RAC2: variants seen among roughly 807,000 people sequenced by gnomAD.
RAC2 encodes Rac family small GTPase 2.
RAC2 carries 1 observed loss-of-function variant against 24.0 expected under a neutral mutation model. That is an observed-to-expected ratio of 0.04 (90% confidence interval 0.01 to 0.20). The LOEUF is 0.20. Among genes scored for constraint, RAC2 ranks in the 10% least tolerant of loss-of-function variants. RAC2 has a pLI of 1.00. For synonymous variants in RAC2, 114 were observed against 106.8 expected (o/e 1.07, Z -0.41); for missense variants, 130 against 259.1 (o/e 0.50, Z 3.42).
In RAC2 at chr22:37,241,654, C is replaced by A; in HGVS notation, c.40G>T (p.Val14Leu). The change falls in exon 2 of 7, where the codon GTG becomes TTG. Residue 14 changes from valine to leucine, a missense_variant. Transcript: ENST00000249071. Reference protein sequence around the residue: ...IKCVVVGDGAVGKTCLLISYT... With the variant: ...IKCVVVGDGALGKTCLLISYT... The stretch of plus-strand genomic sequence containing the variant: ...CTGATGAGAAGGCAGGTCTTGCCCA[C>A]GGCCCTGAAAGACAGGAAGTGCAAG... 6.2e-7 allele frequency: 1 copy of A among 1,613,932 alleles called. No individual in the cohort carries two copies.
At chr22:37,236,504 C>T (rs1386162551) in intron 2 of RAC2, among the ~76,000 whole-genome samples, 1 of 152,222 alleles carries the variant, frequency 6.6e-6, no homozygotes, top group East Asian at 1.9e-4. Context: ...AAGGCTAGAT[C>T]CTGTTACCCA....
At position 37,231,903 on chromosome 22, in the gene RAC2, GC is replaced by G; in HGVS notation, c.288+28del. On this transcript the variant is annotated intron_variant, in intron 4 of 6. Transcript: ENST00000249071. The surrounding 1 kb of genome is among the most constrained non-coding windows in gnomAD (Gnocchi z 5.5). Reference sequence around the variant, plus strand: ...GTCCCTCAGGGTTACCTGCCCCAGAGCCCCCAAGGCCCACCCTGTCCAGCTC... The same window carrying G: ...GTCCCTCAGGGTTACCTGCCCCAGAGCCCCAAGGCCCACCCTGTCCAGCTC... The G allele has an allele frequency of 1.3e-6, 2 of 1,550,688 alleles. No individual in the cohort carries two copies. The highest frequency in any genetic ancestry group is 2.4e-5 in the South Asian group (2 of 84,042).
rs1047196313 is a variant in RAC2, at chr22:37,226,585, A to G, written c.*2+86T>C. The G allele has an allele frequency of 2.6e-6, 4 of 1,551,546 alleles. No homozygotes were observed. In the African/African-American group the frequency reaches 5.5e-5, roughly 21 times the overall value. The stretch of plus-strand genomic sequence containing the variant: ...CCCACCTTCTTTCTGTCCTGGCCTA[A>G]ATGCCACTCACAGTGAACCAAAGGC... On this transcript the variant is annotated intron_variant, in intron 6 of 6. Coordinates refer to ENST00000249071, the MANE Select transcript of RAC2 (RefSeq NM_002872.5).
At chr22:37,240,868 G>T in intron 2 of RAC2, 1 of 617,140 alleles carries the variant, frequency 1.6e-6, no homozygotes, top group East Asian at 2.8e-5. Flanking sequence ...CCCTGGGGTA[G>T]AAATGTGCAG....
chr22:37,230,975 T>C (rs1927041172), intron 5 of RAC2, among the ~76,000 whole-genome samples: 1 of 152,174 alleles, frequency 6.6e-6, no homozygotes, highest in African/African-American at 2.4e-5. Context: ...CCCTGGCAGC[T>C]CCACCTGGAA....
At position 37,232,804 on chromosome 22, in the gene RAC2, C is replaced by G; in HGVS notation, c.222G>C (p.Gln74His). ...YDRLRPLSYP[Q>H]TDVFLICFSL... is the part of the protein sequence containing the mutation. ...AAGGCAGGTGGGAGCAGCACACCGTCTGTGGATAGGAGAGCGGCCGGAGAC... is the reference window on the plus strand; with the variant it reads ...AAGGCAGGTGGGAGCAGCACACCGTGTGTGGATAGGAGAGCGGCCGGAGAC... Residue 74 changes from glutamine to histidine, a missense_variant, in exon 3 of 7, where the codon CAG becomes CAC. Physicochemically the swap from Gln to His is conservative, Grantham distance 24 (BLOSUM62 0). Coordinates refer to ENST00000249071, the MANE Select transcript of RAC2 (RefSeq NM_002872.5). The G allele has an allele frequency of 6.2e-7, 1 of 1,612,118 alleles. No individual in the cohort carries two copies.
intron 1 of RAC2, among the ~76,000 whole-genome samples, chr22:37,243,196 C>T (rs762343238): frequency 3.3e-5 from 5 of 152,128 alleles, no homozygotes; most frequent in African/African-American, 9.7e-5. Flanking sequence ...CATAGGTTCT[C>T]GCTATGATGC....
chr22:37,229,148 C>T (rs1238332675), intron 5 of RAC2, among the ~76,000 whole-genome samples: 1 of 152,236 alleles, frequency 6.6e-6, no homozygotes, highest in Non-Finnish European at 1.5e-5. Context: ...CCAGGGCTCA[C>T]TTTGGCTCGG....
chr22:37,239,036 G>A (rs1424364575), intron 2 of RAC2, among the ~76,000 whole-genome samples: 1 of 152,182 alleles, frequency 6.6e-6, no homozygotes, highest in Non-Finnish European at 1.5e-5. Flanking sequence ...AGGTGCCAGA[G>A]ATTTGGGGCT....
intron 1 of RAC2, 150 bp from the exon 2 acceptor site, chr22:37,241,808 T>C: frequency 1.4e-6 from 1 of 726,720 alleles, no homozygotes. Context: ...CCCCTGTCTG[T>C]GTTCTCACAC....
chr22:37,239,425 C>T (rs561108904), intron 2 of RAC2, among the ~76,000 whole-genome samples: 9 of 152,302 alleles, frequency 5.9e-5, no homozygotes, highest in Non-Finnish European at 1.3e-4. Flanking sequence ...CCCAATCCTT[C>T]GGAGAGACTT....
rs146228716 is a variant in RAC2, at chr22:37,231,457, T to C, written c.289-67A>G. ...GAGGGGGCGCGAGGCTGTGCGGGGA[T>C]CAGAGGGAGTGTGAGGGTGTAGGGA... On this transcript the variant is annotated intron_variant, in intron 4 of 6. Coordinates refer to ENST00000249071, the MANE Select transcript of RAC2 (RefSeq NM_002872.5). This position sits in a 1 kb window ranked among gnomAD's most constrained non-coding sequence, Gnocchi z 5.5. The C allele has an allele frequency of 6.1e-4, 910 of 1,490,954 alleles. 6 individuals carry two copies. The African/African-American group carries it at 0.011, about 18-fold the overall frequency. 92.4% of individuals were successfully genotyped at this position (1,490,954 alleles called of 1,614,324 possible). A position where few individuals can be genotyped will look rare whatever the true frequency, so the allele number is the denominator to read the frequency against.
chr22:37,229,822 G>A (rs1338354395), intron 5 of RAC2, among the ~76,000 whole-genome samples: 1 of 152,200 alleles, frequency 6.6e-6, no homozygotes, highest in African/African-American at 2.4e-5. Flanking sequence ...GGGAGACTGA[G>A]GCCCAGAGAG....
At chr22:37,226,835 C>A in intron 5 of RAC2, 32 bp from the exon 6 acceptor site, 2 of 1,604,418 alleles carry the variant, frequency 1.2e-6, no homozygotes, top group Non-Finnish European at 1.7e-6. Context: ...AGAGCCAAGG[C>A]CTAAGTGGCG....
At chr22:37,229,379 A>G (rs739042) in intron 5 of RAC2, among the ~76,000 whole-genome samples, 71,977 of 152,022 alleles carry the variant, frequency 0.47, 18,026 homozygotes, top group African/African-American at 0.65. Context: ...CACCCCTGTC[A>G]GAATCCTGGC....
At chr22:37,238,824 C>G (rs530771340) in intron 2 of RAC2, among the ~76,000 whole-genome samples, 1 of 152,230 alleles carries the variant, frequency 6.6e-6, no homozygotes, top group East Asian at 1.9e-4. Context: ...TGCAGCCCCA[C>G]GAGTCCTGGC....
chr22:37,242,002 C>T (rs1006163219), intron 1 of RAC2, among the ~76,000 whole-genome samples: 5 of 152,214 alleles, frequency 3.3e-5, no homozygotes, highest in African/African-American at 9.6e-5. Context: ...GGGCCCCCGA[C>T]GCCTGACCTG....
intron 6 of RAC2, among the ~76,000 whole-genome samples, chr22:37,226,373 T>C (rs1926836396): frequency 6.6e-6 from 1 of 151,940 alleles, no homozygotes; most frequent in Non-Finnish European, 1.5e-5. Flanking sequence ...CCAAGGCATC[T>C]TTTCCATCAC....
chr22:37,232,127 G>A, intron 3 of RAC2, 133 bp from the exon 4 acceptor site: 2 of 910,424 alleles, frequency 2.2e-6, no homozygotes, highest in Non-Finnish European at 3.5e-6. Flanking sequence ...TTAGGATCTG[G>A]GCAGAGCAGA....
Sources: allele counts gnomAD v4.1 joint callset (sites outside exome capture counted in the v4.1 genomes callset), GRCh38; gene constraint gnomAD v4.1.1; non-coding constraint Gnocchi (gnomAD v3.1); transcripts MANE v1.5; gene names NCBI Gene and HGNC (gene_info 2026-07-23, HGNC 2026-07-21).